The following SYT14 variants were observed in gnomAD, a reference collection of about 807,000 sequenced individuals.
The protein encoded by SYT14 is synaptotagmin 14.
SYT14 carries 32 observed loss-of-function variants against 74.2 expected under a neutral mutation model. That is an observed-to-expected ratio of 0.43 (90% CI 0.33 to 0.58). The LOEUF (loss-of-function observed/expected upper bound fraction) is 0.58, where lower values mean the gene tolerates loss of function less well. Among genes scored for constraint, SYT14 ranks in the 20% least tolerant of loss-of-function variants. The pLI, the probability that SYT14 is intolerant of heterozygous loss-of-function variation, is 0.05. For synonymous variants in SYT14, 298 were observed against 337.7 expected (o/e 0.88, Z 1.29); for missense variants, 791 against 981.8 (o/e 0.81, Z 2.60).
At chr1:210,045,934 T>C (rs2080876257) in intron 5 of SYT14, among the ~76,000 whole-genome samples, 1 of 152,224 alleles carries the variant, frequency 6.6e-6, no homozygotes, top group South Asian at 2.1e-4. Flanking sequence ...GGAAAATATA[T>C]TATTTTTGTA....
At chr1:210,017,110 C>T in intron 4 of SYT14, 2 of 1,228,534 alleles carry the variant, frequency 1.6e-6, no homozygotes, top group Non-Finnish European at 2.0e-6. Flanking sequence ...GTGAGGTCTC[C>T]TAATGTTGGT....
chr1:210,040,957 G>T (rs1343080367), intron 5 of SYT14, among the ~76,000 whole-genome samples: 1 of 152,172 alleles, frequency 6.6e-6, no homozygotes, highest in East Asian at 1.9e-4. Context: ...TCTTCTACGG[G>T]AGTGGCCTGC....
intron 2 of SYT14, among the ~76,000 whole-genome samples, chr1:209,983,900 T>C (rs1315125764): frequency 6.6e-6 from 1 of 152,238 alleles, no homozygotes; most frequent in Non-Finnish European, 1.5e-5. Flanking sequence ...GTCATCTATT[T>C]AGTGACCTCC....
At chr1:210,028,879 A>G (rs1323317275) in intron 5 of SYT14, among the ~76,000 whole-genome samples, 1 of 152,056 alleles carries the variant, frequency 6.6e-6, no homozygotes, top group Non-Finnish European at 1.5e-5. Context: ...ACTATTTTAC[A>G]TTTCCTCCAG....
intron 7 of SYT14, among the ~76,000 whole-genome samples, chr1:210,103,333 G>C (rs904686576): frequency 3.9e-5 from 6 of 151,964 alleles, no homozygotes; most frequent in African/African-American, 1.5e-4. Context: ...GGCAGATCAT[G>C]AGGTCAGGAG....
exon 10 of SYT14, chr1:210,162,999 T>C: frequency 2.2e-6 from 1 of 453,388 alleles, no homozygotes; most frequent in Non-Finnish European, 4.4e-6. Flanking sequence ...TTAAGTGTTT[T>C]CAGCAACAGT....
chr1:209,985,533 A>G (rs567719006), intron 2 of SYT14, among the ~76,000 whole-genome samples: 1 of 152,304 alleles, frequency 6.6e-6, no homozygotes, highest in South Asian at 2.1e-4. Flanking sequence ...CCAGGTGTAC[A>G]GTGAAAGCTG....
intron 5 of SYT14, among the ~76,000 whole-genome samples, chr1:210,032,337 G>T (rs1292605937): frequency 6.6e-6 from 1 of 151,962 alleles, no homozygotes; most frequent in Non-Finnish European, 1.5e-5. Flanking sequence ...TTGGTCTCTT[G>T]TATTACCTTT....
chr1:210,129,206 G>A (rs2082627445), intron 7 of SYT14, among the ~76,000 whole-genome samples: 1 of 152,168 alleles, frequency 6.6e-6, no homozygotes, highest in African/African-American at 2.4e-5. Flanking sequence ...AACTCAAAAT[G>A]GTTTAAGCAA....
intron 2 of SYT14, among the ~76,000 whole-genome samples, chr1:209,957,496 G>A (rs1338677435): frequency 6.6e-6 from 1 of 151,654 alleles, no homozygotes; most frequent in African/African-American, 2.4e-5. Context: ...GCGTGATCTC[G>A]GCTCGCTGCA....
intron 2 of SYT14, among the ~76,000 whole-genome samples, chr1:209,954,487 C>T (rs186773638): frequency 2.4e-4 from 36 of 152,198 alleles, no homozygotes; most frequent in Non-Finnish European, 4.6e-4. Flanking sequence ...GGAAAAGTAT[C>T]TGAATCTCTG....
chr1:210,123,489 G>C (rs2082508186), intron 7 of SYT14, among the ~76,000 whole-genome samples: 1 of 152,214 alleles, frequency 6.6e-6, no homozygotes, highest in Admixed American at 6.5e-5. Context: ...CTAAAAGCCT[G>C]TGAGATGTAT....
intron 5 of SYT14, among the ~76,000 whole-genome samples, chr1:210,022,063 C>T (rs2102956705): frequency 6.6e-6 from 1 of 152,172 alleles, no homozygotes; most frequent in East Asian, 1.9e-4. Flanking sequence ...TCTTTATACC[C>T]AGATATGAGG....
chr1:210,126,623 T>A (rs1008230585), intron 7 of SYT14, among the ~76,000 whole-genome samples: 2 of 152,198 alleles, frequency 1.3e-5, no homozygotes, highest in African/African-American at 4.8e-5. Context: ...CCCTAAAATG[T>A]CAAGATTGTG....
intron 7 of SYT14, among the ~76,000 whole-genome samples, chr1:210,153,144 G>T (rs758075682): frequency 1.3e-5 from 2 of 152,108 alleles, no homozygotes; most frequent in Admixed American, 6.5e-5. Context: ...GGAACTGCCA[G>T]ATCATAGGGT....
chr1:210,076,391 C>G (rs2081501232), intron 5 of SYT14, among the ~76,000 whole-genome samples: 1 of 152,156 alleles, frequency 6.6e-6, no homozygotes, highest in Non-Finnish European at 1.5e-5. Flanking sequence ...TTAGAACATT[C>G]TCATCACACA....
intron 5 of SYT14, among the ~76,000 whole-genome samples, chr1:210,075,344 T>G (rs1203348069): frequency 7.5e-6 from 1 of 133,292 alleles, no homozygotes; most frequent in Admixed American, 1.1e-4. Flanking sequence ...GAGGGTTTGT[T>G]TTTTTTTTTT....
At chr1:210,097,493 C>T (rs2081987716) in intron 6 of SYT14, among the ~76,000 whole-genome samples, 1 of 151,780 alleles carries the variant, frequency 6.6e-6, no homozygotes, top group Non-Finnish European at 1.5e-5. Context: ...CATTGGGTTT[C>T]ATAAGAGTTG....
intron 7 of SYT14, among the ~76,000 whole-genome samples, chr1:210,102,248 C>T (rs2082081299): frequency 6.6e-6 from 1 of 152,178 alleles, no homozygotes; most frequent in Admixed American, 6.5e-5. Flanking sequence ...CCTCTATCTT[C>T]TCCCACCTGC....
Sources: allele counts gnomAD v4.1 joint callset (sites outside exome capture counted in the v4.1 genomes callset), GRCh38; gene constraint gnomAD v4.1.1; transcripts MANE v1.5; gene names NCBI Gene and HGNC (gene_info 2026-07-23, HGNC 2026-07-21).